The following TG variants were observed in gnomAD, a reference collection of about 807,000 sequenced individuals.
TG encodes thyroglobulin.
TG carries 270 observed loss-of-function variants against 324.7 expected under a neutral mutation model. That is an observed-to-expected ratio of 0.83 (90% CI 0.75 to 0.92). The LOEUF (loss-of-function observed/expected upper bound fraction) is 0.92. Among genes scored for constraint, TG ranks in the 40% least tolerant of loss-of-function variants. The pLI is 0.00. For missense variants in TG, 3,591 were observed against 3,456.4 expected, an observed-to-expected ratio of 1.04 and a Z score of -0.98; for synonymous variants, 1,401 against 1,327.0, an observed-to-expected ratio of 1.06 and a Z score of -1.21.
chr8:133,050,731 A>T, intron 41 of TG: 1 of 877,454 alleles, frequency 1.1e-6, no homozygotes, highest in Non-Finnish European at 1.9e-6. Flanking sequence ...GAACTAGACC[A>T]CTCTAGCTAA....
At position 133,013,749 on chromosome 8, in the gene TG, A is replaced by G. The variant is rs373083190; in HGVS notation, c.6547A>G (p.Ile2183Val). The change falls in exon 37 of 48, where the codon ATC becomes GTC. Residue 2183 changes from isoleucine to valine, a missense_variant. By Grantham distance (29) the Ile-to-Val change is conservative (BLOSUM62 3). Coordinates refer to ENST00000220616, the MANE Select transcript of TG (RefSeq NM_003235.5). ...RLLLREEATH[I>V]YRKPGISLLS... is the part of the protein sequence containing the mutation. ...TCTGCTTCGTGAAGAGGCCACCCACATCTACCGGAAGCCAGGTAAGCCCAA... is the reference window on the plus strand; with the variant it reads ...TCTGCTTCGTGAAGAGGCCACCCACGTCTACCGGAAGCCAGGTAAGCCCAA... 1.9e-6 allele frequency: 3 copies of G among 1,611,350 alleles called. No individual in the cohort carries two copies. The highest frequency in any genetic ancestry group is 1.7e-5 in the Admixed American group (1 of 60,004).
rs1399445961 is a variant in TG at position 133,043,873 on chromosome 8, A to G, written c.7239+13850A>G. Among the ~76,000 whole-genome samples, 4 of 152,234 alleles carry G rather than the reference A, an allele frequency of 2.6e-5. No individual in the cohort carries two copies. In the East Asian group the frequency reaches 7.7e-4, roughly 29 times the overall value. On this transcript the variant is annotated intron_variant, in intron 41 of 47. Transcript: ENST00000220616. ...CCCAGAAGGGGGAAGATGCTGTCAA[A>G]GCAAAAGCAACCTCTTTCTTTCCTC...
At position 132,948,792 on chromosome 8, in the gene TG, G is replaced by A. The variant is rs1024983215; in HGVS notation, c.5250G>A (p.Gly1750=). Reference sequence around the variant, plus strand: ...GATTCTCAGGTGCCATCATCTGTGGGTTGCTGAGCTCACCCAGTGTCCTGC... The same window carrying A: ...GATTCTCAGGTGCCATCATCTGTGGATTGCTGAGCTCACCCAGTGTCCTGC... ...TQVQGGAIIC[G]LLSSPSVLLC... The change falls in exon 27 of 48, where the codon GGG becomes GGA. Residue 1750 remains glycine, a synonymous_variant. Transcript: ENST00000220616. The A allele has an allele frequency of 1.9e-6, 3 of 1,613,718 alleles. No homozygotes were observed. The highest frequency in any genetic ancestry group is 2.7e-5 in the African/African-American group (2 of 74,856).
intron 43 of TG, among the ~76,000 whole-genome samples, chr8:133,097,240 G>A (rs1848564400): frequency 6.6e-6 from 1 of 152,228 alleles, no homozygotes; most frequent in Admixed American, 6.5e-5. Flanking sequence ...AGGATCCTGA[G>A]TTCCTTTGGA....
At chr8:133,044,322 A>G (rs1838888249) in intron 41 of TG, among the ~76,000 whole-genome samples, 5 of 151,916 alleles carry the variant, frequency 3.3e-5, no homozygotes, top group Admixed American at 3.3e-4. Flanking sequence ...ACACCACATG[A>G]TGCTTGCTTT....
intron 41 of TG, among the ~76,000 whole-genome samples, chr8:133,033,652 C>T (rs1443381436): frequency 6.6e-6 from 1 of 152,186 alleles, no homozygotes. Context: ...AATGCCATGC[C>T]TTCCTCCAGG....
At chr8:133,057,374 T>C (rs1280453019) in intron 41 of TG, among the ~76,000 whole-genome samples, 1 of 152,172 alleles carries the variant, frequency 6.6e-6, no homozygotes, top group Non-Finnish European at 1.5e-5. Context: ...GTAGAGAAAA[T>C]GAACACTTTG....
At position 132,866,983 on chromosome 8, in the gene TG, C is replaced by G. The variant is rs1838985999; in HGVS notation, c.-18C>G. On this transcript the variant is annotated 5_prime_UTR_variant, in exon 1 of 48. Coordinates refer to ENST00000220616, the MANE Select transcript of TG (RefSeq NM_003235.5). ...AAGCAGTGGTTTCTCCTCCTTCCTC[C>G]CAGGAAGGGCCAGGAAAATGGCCCT... is the stretch of plus-strand genomic sequence containing the variant. 3.8e-6 allele frequency: 6 copies of G among 1,578,056 alleles called. No homozygotes were observed. Among genetic ancestry groups the G allele is most frequent in the Non-Finnish European group, 5.2e-6 (6 of 1,158,718 alleles).
At chr8:132,933,407 G>T (rs1480831136) in intron 23 of TG, among the ~76,000 whole-genome samples, 154 bp from the exon 24 acceptor site, 3 of 12,316 alleles carry the variant, frequency 2.4e-4, no homozygotes, top group East Asian at 2.4e-3. Context: ...TTTGGAGGGG[G>T]GTGTGTGTAT....
chr8:132,998,080 C>G (rs1833050928), intron 35 of TG, among the ~76,000 whole-genome samples: 1 of 151,982 alleles, frequency 6.6e-6, no homozygotes, highest in African/African-American at 2.4e-5. Flanking sequence ...GATGGAGGCC[C>G]CTGAAGGGGT....
At chr8:133,001,605 T>G (rs1345473682) in intron 35 of TG, among the ~76,000 whole-genome samples, 1 of 152,244 alleles carries the variant, frequency 6.6e-6, no homozygotes, top group Non-Finnish European at 1.5e-5. Flanking sequence ...GTCCTGGTTC[T>G]CACTTGAATG....
chr8:132,967,932 T>A lies in TG; in HGVS notation c.5825T>A (p.Ile1942Asn). Residue 1942 changes from isoleucine to asparagine, a missense_variant, in exon 31 of 48, where the codon ATC becomes AAC. Physicochemically the swap from Ile to Asn is moderately radical, Grantham distance 149 (BLOSUM62 -3). Coordinates refer to ENST00000220616, the MANE Select transcript of TG (RefSeq NM_003235.5). ...MESNAQGCRL[I>N]LPQMPKALFR... ...TCCAATGCCCAGGGCTGCAGACTGA[T>A]CCTGCCTCAGATGCCAAAGGCCCTG... 1 of 1,613,870 alleles carries A rather than the reference T, an allele frequency of 6.2e-7. No homozygotes were observed. Among genetic ancestry groups the A allele is most frequent in the Non-Finnish European group, 8.5e-7 (1 of 1,179,898 alleles).
intron 27 of TG, among the ~76,000 whole-genome samples, chr8:132,959,089 G>T (rs1827381365): frequency 6.6e-6 from 1 of 152,224 alleles, no homozygotes; most frequent in South Asian, 2.1e-4. Context: ...AGAAGTTCTA[G>T]CACCATTGTT....
At chr8:133,060,224 G>A in intron 41 of TG, 1 of 1,613,156 alleles carries the variant, frequency 6.2e-7, no homozygotes, top group Non-Finnish European at 8.5e-7. Flanking sequence ...GACAGACGGG[G>A]AAAGTCAACC....
intron 35 of TG, among the ~76,000 whole-genome samples, chr8:132,984,956 C>T (rs1262667090): frequency 1.3e-5 from 2 of 148,822 alleles, no homozygotes; most frequent in Non-Finnish European, 3.0e-5. Flanking sequence ...AAAAGCAAAA[C>T]AAATGAGTTC....
chr8:132,976,084 A>G (rs183461661), intron 34 of TG, among the ~76,000 whole-genome samples: 115 of 152,326 alleles, frequency 7.5e-4, no homozygotes, highest in African/African-American at 2.5e-3. Context: ...AATATAGCAG[A>G]AGAAATGAAA....
chr8:133,029,727 G>A, intron 40 of TG, 94 bp from the exon 41 acceptor site: 3 of 1,489,034 alleles, frequency 2.0e-6, no homozygotes, highest in Non-Finnish European at 2.8e-6. Flanking sequence ...GCCCCTGGCG[G>A]GGCCGCATAT....
chr8:133,087,859 A>G (rs970734036), intron 41 of TG: 2 of 152,180 alleles, frequency 1.3e-5, no homozygotes, highest in Admixed American at 6.6e-5. Context: ...ACAGCACGGA[A>G]TCATGGGAAA....
intron 41 of TG, chr8:133,049,787 T>C: frequency 1.3e-6 from 1 of 774,372 alleles, no homozygotes; most frequent in Non-Finnish European, 2.3e-6. Context: ...CAGGACTATC[T>C]CTTCTTGACC....
Sources: gnomAD v4.1 joint callset for allele counts (sites outside exome capture counted in the v4.1 genomes callset) on GRCh38, gnomAD v4.1.1 for gene constraint, MANE v1.5 for transcripts, NCBI Gene and HGNC (gene_info 2026-07-23, HGNC 2026-07-21) for gene names.